The following NLGN1 variants were observed in gnomAD, a reference collection of about 807,000 sequenced individuals.
The protein encoded by NLGN1 is neuroligin-1.
In NLGN1, 12 loss-of-function variants were observed where a neutral mutation model predicts 65.5. The ratio of observed to expected loss-of-function variants is 0.18; its 90% CI spans 0.12 to 0.30. The LOEUF is 0.30. Ranked by LOEUF, NLGN1 falls within the 10% of genes least tolerant of loss-of-function variation. The pLI is 1.00. For synonymous variants in NLGN1, 350 were observed against 359.5 expected (o/e 0.97, Z 0.30); for missense variants, 750 against 1,007.1 (o/e 0.74, Z 3.46).
At chr3:173,724,014 T>G (rs2150019004) in intron 3 of NLGN1, among the ~76,000 whole-genome samples, 1 of 152,232 alleles carries the variant, frequency 6.6e-6, no homozygotes. Context: ...GTTTTTAGCT[T>G]GAGATTGGGA....
intron 4 of NLGN1, among the ~76,000 whole-genome samples, chr3:173,939,539 C>T (rs1745634536): frequency 6.6e-6 from 1 of 152,134 alleles, no homozygotes; most frequent in Non-Finnish European, 1.5e-5. Context: ...TGAGAGGAAA[C>T]TGAAAGATTT....
At chr3:173,585,828 C>A (rs1219330353) in intron 2 of NLGN1, among the ~76,000 whole-genome samples, 1 of 152,274 alleles carries the variant, frequency 6.6e-6, no homozygotes, top group East Asian at 1.9e-4. Flanking sequence ...TTTCTTGCAG[C>A]TGAATTCAGG....
At chr3:174,054,087 G>A (rs1430642123) in intron 4 of NLGN1, among the ~76,000 whole-genome samples, 1 of 151,974 alleles carries the variant, frequency 6.6e-6, no homozygotes, top group African/African-American at 2.4e-5. Flanking sequence ...TATTAAAAAA[G>A]TAGATTTGCT....
At chr3:173,688,784 A>G (rs1765042245) in intron 3 of NLGN1, among the ~76,000 whole-genome samples, 1 of 152,162 alleles carries the variant, frequency 6.6e-6, no homozygotes, top group Admixed American at 6.5e-5. Context: ...GTCAGCATTC[A>G]AAATTAGTCT....
At chr3:173,738,500 A>G (rs1021997086) in intron 3 of NLGN1, among the ~76,000 whole-genome samples, 3 of 152,090 alleles carry the variant, frequency 2.0e-5, no homozygotes, top group African/African-American at 4.8e-5. Flanking sequence ...TTAAACAACT[A>G]TTCTTTCCCC....
At chr3:173,800,740 G>A (rs562250948) in intron 3 of NLGN1, among the ~76,000 whole-genome samples, 24 of 151,188 alleles carry the variant, frequency 1.6e-4, no homozygotes, top group African/African-American at 5.6e-4. Flanking sequence ...ATATTTTCCC[G>A]AATATTAAAA....
chr3:173,491,101 G>C (rs1180002862), intron 2 of NLGN1, among the ~76,000 whole-genome samples: 2 of 151,764 alleles, frequency 1.3e-5, no homozygotes, highest in Non-Finnish European at 2.9e-5. Context: ...TCTCCTGCCT[G>C]ATTGCCGTGG....
chr3:174,016,150 G>T (rs563921228), intron 4 of NLGN1, among the ~76,000 whole-genome samples: 6 of 152,170 alleles, frequency 3.9e-5, no homozygotes, highest in Non-Finnish European at 8.8e-5. Flanking sequence ...CAACTGTATA[G>T]TAACAGATGC....
chr3:173,712,792 G>A (rs1193577589), intron 3 of NLGN1, among the ~76,000 whole-genome samples: 2 of 151,332 alleles, frequency 1.3e-5, no homozygotes, highest in South Asian at 4.2e-4. Context: ...AACTTGAGGC[G>A]TTAAAATTTG....
At chr3:173,525,519 C>T (rs1437813154) in intron 2 of NLGN1, among the ~76,000 whole-genome samples, 1 of 151,838 alleles carries the variant, frequency 6.6e-6, no homozygotes, top group African/African-American at 2.4e-5. Flanking sequence ...TCTTGGTTAA[C>T]ATAGAAATTT....
At chr3:173,625,095 T>C (rs1316219291) in intron 3 of NLGN1, among the ~76,000 whole-genome samples, 1 of 152,144 alleles carries the variant, frequency 6.6e-6, no homozygotes, top group Non-Finnish European at 1.5e-5. Context: ...TTTACTATAA[T>C]ACATTTAAAC....
chr3:174,242,437 G>C (rs1449385915), intron 4 of NLGN1, among the ~76,000 whole-genome samples: 1 of 152,100 alleles, frequency 6.6e-6, no homozygotes, highest in African/African-American at 2.4e-5. Context: ...GAAGTTAGCT[G>C]CAGGCAAGCA....
chr3:173,410,790 TCA>T (rs1015588284), intron 1 of NLGN1, among the ~76,000 whole-genome samples: 20 of 152,232 alleles, frequency 1.3e-4, no homozygotes, highest in Non-Finnish European at 2.8e-4. Flanking sequence ...CATGTTTTAA[TCA>T]CACATAAAAA....
chr3:173,873,444 TTC>T (rs1482859375), intron 4 of NLGN1, among the ~76,000 whole-genome samples: 1 of 152,156 alleles, frequency 6.6e-6, no homozygotes, highest in African/African-American at 2.4e-5. Flanking sequence ...TTGAAAAATA[TTC>T]TCTGTCAGTA....
At chr3:174,167,619 G>T in intron 4 of NLGN1, among the ~76,000 whole-genome samples, 3 of 139,110 alleles carry the variant, frequency 2.2e-5, no homozygotes, top group African/African-American at 5.4e-5. Flanking sequence ...TAACCTAGTT[G>T]CCCTTAAGAT....
intron 3 of NLGN1, among the ~76,000 whole-genome samples, chr3:173,788,651 A>G (rs1032910249): frequency 1.3e-5 from 2 of 151,910 alleles, no homozygotes; most frequent in East Asian, 1.9e-4. Flanking sequence ...GAGTCAGGAA[A>G]CAAAATCAAG....
intron 4 of NLGN1, among the ~76,000 whole-genome samples, chr3:173,811,424 C>T (rs972916550): frequency 1.3e-5 from 2 of 151,818 alleles, no homozygotes; most frequent in Admixed American, 6.5e-5. Flanking sequence ...ATCAGCTTGG[C>T]GTGGTGGTGG....
At chr3:173,410,908 A>G (rs1263338536) in intron 1 of NLGN1, among the ~76,000 whole-genome samples, 1 of 152,252 alleles carries the variant, frequency 6.6e-6, no homozygotes, top group Admixed American at 6.5e-5. Flanking sequence ...ATGCTTGCAC[A>G]TAATCCCACA....
At chr3:173,909,653 C>CAGTT (rs1553887313) in intron 4 of NLGN1, among the ~76,000 whole-genome samples, 8 of 152,062 alleles carry the variant, frequency 5.3e-5, no homozygotes, top group African/African-American at 1.9e-4. Flanking sequence ...CTCCCCACAG[C>CAGTT]ATTTATTTAT....
Sources: gnomAD v4.1 joint callset for allele counts (sites outside exome capture counted in the v4.1 genomes callset) on GRCh38, gnomAD v4.1.1 for gene constraint, MANE v1.5 for transcripts, NCBI Gene and HGNC (gene_info 2026-07-23, HGNC 2026-07-21) for gene names.